Variants in ASIC4 observed in about 807,000 individuals in gnomAD.
ASIC4 encodes the protein acid-sensing ion channel 4.
ASIC4 carries 28 observed loss-of-function variants against 53.4 expected under a neutral mutation model. The ratio of observed to expected loss-of-function variants is 0.52; its 90% CI spans 0.39 to 0.72. The LOEUF (loss-of-function observed/expected upper bound fraction) is 0.72. ASIC4 is among the 30% of genes least tolerant of loss of function. The pLI, the probability that ASIC4 is intolerant of heterozygous loss-of-function variation, is 0.00. For missense variants in ASIC4, 649 were observed against 729.7 expected (o/e 0.89, Z 1.27); for synonymous variants, 289 against 301.4 (o/e 0.96, Z 0.43).
At chr2:219,525,136 C>G (rs1694943188) in intron 1 of ASIC4, among the ~76,000 whole-genome samples, 1 of 152,186 alleles carries the variant, frequency 6.6e-6, no homozygotes. Context: ...TGCCCCTTTC[C>G]CCATGTTATG....
Position 219,517,655 on chromosome 2 carries a change from G to A in ASIC4, c.582+2349G>A, listed in dbSNP as rs1694816200. On this transcript the variant is annotated intron_variant, in intron 1 of 9. Coordinates refer to ENST00000358078, the MANE Select transcript of ASIC4 (RefSeq NM_018674.6). This position sits in a 1 kb window ranked among gnomAD's most constrained non-coding sequence, Gnocchi z 4.2. Reference sequence around the variant, plus strand: ...AAGATGGGGTGTATTACAGGGGAAAGACTGGAGAATGGGCATGGAGATGAA... The same window carrying A: ...AAGATGGGGTGTATTACAGGGGAAAAACTGGAGAATGGGCATGGAGATGAA... Among the ~76,000 whole-genome samples, 1 of 152,206 alleles carries A rather than the reference G, an allele frequency of 6.6e-6. No homozygotes were observed.
chr2:219,515,773 C>A (rs971912357), intron 1 of ASIC4, among the ~76,000 whole-genome samples: 5 of 152,166 alleles, frequency 3.3e-5, no homozygotes, highest in African/African-American at 1.2e-4. Context: ...GGAAGGACCC[C>A]GGGTGGCCTC....
In ASIC4 at chr2:219,531,806, A is replaced by C. The variant is rs748348886; in HGVS notation, c.631A>C (p.Ser211Arg). 27 of 1,613,238 alleles carry C rather than the reference A, an allele frequency of 1.7e-5. No individual in the cohort carries two copies. The East Asian group carries it at 5.8e-4, about 35-fold the overall frequency. Residue 211 changes from serine (S) to arginine (R), a missense_variant, in exon 2 of 10, where the codon AGC becomes CGC. By Grantham distance (110) the Ser-to-Arg change is moderately radical (BLOSUM62 -1). Transcript: ENST00000358078. ...TTACACCTTCAACGCGGACCCGCGG[A>C]GCTCGCTGCCCAGCCGGGCAGGGGG... ...KCYTFNADPR[S>R]SLPSRAGGMG...
chr2:219,514,396 CCTCGCTCA>C (rs1470847305), upstream of ASIC4: 38 of 1,548,310 alleles, frequency 2.5e-5, no homozygotes, highest in Admixed American at 2.2e-4. Flanking sequence ...GCGCTCGCTC[CCTCGCTCA>C]CTCGCTCGCT....
Position 219,537,757 on chromosome 2 carries a change from C to A in ASIC4, c.1506+21C>A, listed in dbSNP as rs978698761. 2 of 1,603,044 alleles carry A rather than the reference C, an allele frequency of 1.2e-6. No homozygotes were observed. The highest frequency in any genetic ancestry group is 1.3e-5 in the African/African-American group (1 of 74,702). ...AACAGGTGAGGACAAGCTCTAAATG[C>A]CTGCAGCATGCAGCCACACCTCCCC... is the stretch of plus-strand genomic sequence containing the variant. On this transcript the variant is annotated intron_variant, in intron 9 of 9. Coordinates refer to ENST00000358078, the MANE Select transcript of ASIC4 (RefSeq NM_018674.6). The surrounding 1 kb of genome is among the most constrained non-coding windows in gnomAD (Gnocchi z 4.9).
At chr2:219,513,223 C>T (rs532433509), upstream of ASIC4, among the ~76,000 whole-genome samples, 138 of 152,254 alleles carry the variant, frequency 9.1e-4, no homozygotes, top group African/African-American at 3.0e-3. Context: ...ATTAGCGCCC[C>T]GATTAATCAG....
At chr2:219,522,580 G>A (rs1448570651) in intron 1 of ASIC4, among the ~76,000 whole-genome samples, 9 of 152,160 alleles carry the variant, frequency 5.9e-5, no homozygotes, top group Admixed American at 5.9e-4. Flanking sequence ...TCTCACTCCC[G>A]CCTGGCTGGG....
chr2:219,513,773 T>C (rs1694732400), upstream of ASIC4, among the ~76,000 whole-genome samples: 3 of 152,190 alleles, frequency 2.0e-5, no homozygotes, highest in African/African-American at 7.2e-5. Context: ...ATGACTGAGA[T>C]TGGGGTTGGG....
chr2:219,515,423 C>T, intron 1 of ASIC4, 117 bp downstream of exon 1: 1 of 1,321,466 alleles, frequency 7.6e-7, no homozygotes, highest in Non-Finnish European at 1.0e-6. Context: ...CATTCCACCA[C>T]CAGAGGCTGG....
Position 219,537,199 on chromosome 2 carries a change from TCGGCC to T in ASIC4, c.1322-37_1322-33del. On this transcript the variant is annotated intron_variant, in intron 7 of 9. Coordinates refer to ENST00000358078, the MANE Select transcript of ASIC4 (RefSeq NM_018674.6). The surrounding 1 kb of genome is among the most constrained non-coding windows in gnomAD (Gnocchi z 4.9). ...TGCCCCCAGCTTGTGTGGGGGTGGA[TCGGCC>T]CGGCCGCTCCCTCTGACACTGCTCT... is the stretch of plus-strand genomic sequence containing the variant. The T allele has an allele frequency of 1.2e-6, 2 of 1,611,698 alleles. No individual in the cohort carries two copies. The highest frequency in any genetic ancestry group is 1.7e-6 in the Non-Finnish European group (2 of 1,178,146).
Position 219,514,543 on chromosome 2 carries a change from C to T in ASIC4, c.-182C>T, listed in dbSNP as rs747342672. On this transcript the variant is annotated 5_prime_UTR_variant, in exon 1 of 10. Coordinates refer to ENST00000358078, the MANE Select transcript of ASIC4 (RefSeq NM_018674.6). ...CAGAGGCAGCACCAGGGCTGCGGAG[C>T]TGCTGGGAGTGGGAGTGACTCCCCC... is the stretch of plus-strand genomic sequence containing the variant. The T allele has an allele frequency of 1.3e-5, 20 of 1,557,294 alleles. No homozygotes were observed. Among genetic ancestry groups the T allele is most frequent in the Non-Finnish European group, 1.7e-5 (19 of 1,150,900 alleles).
rs938156716 is a variant in ASIC4 at position 219,537,194 on chromosome 2, G to C, written c.1321+37G>C. ...GTCCCTGCCCCCAGCTTGTGTGGGG[G>C]TGGATCGGCCCGGCCGCTCCCTCTG... On this transcript the variant is annotated intron_variant, in intron 7 of 9. Coordinates refer to ENST00000358078, the MANE Select transcript of ASIC4 (RefSeq NM_018674.6). The surrounding 1 kb of genome is among the most constrained non-coding windows in gnomAD (Gnocchi z 4.9). The C allele has an allele frequency of 6.2e-7, 1 of 1,612,226 alleles. No homozygotes were observed. Among genetic ancestry groups the C allele is most frequent in the African/African-American group, 1.3e-5 (1 of 74,892 alleles).
intron 5 of ASIC4, 45 bp from the exon 6 acceptor site, chr2:219,535,126 C>T (rs755154585): frequency 6.3e-7 from 1 of 1,580,984 alleles, no homozygotes; most frequent in Admixed American, 1.7e-5. Flanking sequence ...GCCACTGGAC[C>T]ACCCTTCTCC....
chr2:219,511,705 C>T (rs1394798931), upstream of ASIC4, among the ~76,000 whole-genome samples: 1 of 152,032 alleles, frequency 6.6e-6, no homozygotes, highest in Non-Finnish European at 1.5e-5. This position sits in a 1 kb window ranked among gnomAD's most constrained non-coding sequence, Gnocchi z 5.3. Context: ...CAGCTGGTCC[C>T]CCGGGAGTGG....
rs1255473082 is a variant in ASIC4, at chr2:219,518,920, T to G, written c.582+3614T>G. Among the ~76,000 whole-genome samples the G allele has an allele frequency of 6.6e-6, 1 of 152,194 alleles. No homozygotes were observed. Among genetic ancestry groups the G allele is most frequent in the Non-Finnish European group, 1.5e-5 (1 of 68,026 alleles). On this transcript the variant is annotated intron_variant, in intron 1 of 9. Coordinates refer to ENST00000358078, the MANE Select transcript of ASIC4 (RefSeq NM_018674.6). This position sits in a 1 kb window ranked among gnomAD's most constrained non-coding sequence, Gnocchi z 4.8. ...TGTGTATTCTTTTTTTTGTTTGTTT[T>G]TTTGAGACAGAGTCTCGTTGTTGCC...
At chr2:219,520,362 A>G (rs1694865887) in intron 1 of ASIC4, among the ~76,000 whole-genome samples, 1 of 152,050 alleles carries the variant, frequency 6.6e-6, no homozygotes, top group African/African-American at 2.4e-5. Context: ...AAAGCATGCA[A>G]GCCCTCTCTC....
At position 219,514,978 on chromosome 2, in the gene ASIC4, C is replaced by G; in HGVS notation, c.254C>G (p.Ala85Gly). The part of the protein sequence containing the change: ...LTSLAAFLYQ[A>G]AGLARGYLTR... ...TCGCTGGCTGCCTTCCTGTACCAGG[C>G]GGCTGGCCTGGCCCGGGGCTACCTG... Residue 85 changes from alanine to glycine, a missense_variant, in exon 1 of 10, where the codon GCG (alanine) becomes GGG (glycine). Physicochemically the swap from Ala to Gly is moderately conservative, Grantham distance 60. Coordinates refer to ENST00000358078, the MANE Select transcript of ASIC4 (RefSeq NM_018674.6). The G allele has an allele frequency of 1.2e-6, 2 of 1,613,184 alleles. No individual in the cohort carries two copies. Among genetic ancestry groups the G allele is most frequent in the South Asian group, 2.2e-5 (2 of 91,064 alleles).
At chr2:219,521,798 T>C (rs1364122187) in intron 1 of ASIC4, among the ~76,000 whole-genome samples, 1 of 152,098 alleles carries the variant, frequency 6.6e-6, no homozygotes, top group Non-Finnish European at 1.5e-5. Flanking sequence ...CCCACCTCCT[T>C]TGAGCAGCTG....
chr2:219,508,964 G>A, the ASIC4 span, among the ~76,000 whole-genome samples: 1 of 152,050 alleles, frequency 6.6e-6, no homozygotes, highest in African/African-American at 2.4e-5. Context: ...TGGATAGGGC[G>A]ACAGGGGAGG....
Sources: allele counts gnomAD v4.1 joint callset (sites outside exome capture counted in the v4.1 genomes callset), GRCh38; gene constraint gnomAD v4.1.1; non-coding constraint Gnocchi (gnomAD v3.1); transcripts MANE v1.5; gene names NCBI Gene and HGNC (gene_info 2026-07-23, HGNC 2026-07-21).